Variants in ABCA1 observed in about 807,000 individuals in gnomAD.
The protein encoded by ABCA1 is phospholipid-transporting ATPase ABCA1.
In ABCA1, 133 loss-of-function variants were observed where a neutral mutation model predicts 262.5. That is an observed-to-expected ratio of 0.51 (90% CI 0.44 to 0.59). ABCA1 has a LOEUF of 0.59. ABCA1 is among the 20% of genes least tolerant of loss of function. ABCA1 has a pLI of 0.00. For synonymous variants in ABCA1, 1,022 were observed against 1,043.5 expected (o/e 0.98, Z 0.40); for missense variants, 2,452 against 2,777.5 (o/e 0.88, Z 2.63).
chr9:104,847,651 T>TC (rs1278848637), intron 7 of ABCA1, among the ~76,000 whole-genome samples: 3 of 152,212 alleles, frequency 2.0e-5, no homozygotes, highest in Non-Finnish European at 4.4e-5. Flanking sequence ...AGAGCTATCA[T>TC]CACACAGCAT....
intron 20 of ABCA1, 112 bp from the exon 21 acceptor site, chr9:104,820,181 T>A: frequency 1.5e-6 from 2 of 1,345,186 alleles, no homozygotes; most frequent in Non-Finnish European, 2.1e-6. Flanking sequence ...CCGTGCTTTT[T>A]AAAATAACTT....
At chr9:104,830,272 G>A (rs187081442) in intron 14 of ABCA1, among the ~76,000 whole-genome samples, 3 of 152,340 alleles carry the variant, frequency 2.0e-5, no homozygotes, top group Admixed American at 2.0e-4. Context: ...CATAAACTGT[G>A]CTTTTATAAG....
At chr9:104,879,081 A>C (rs1838396972) in intron 5 of ABCA1, among the ~76,000 whole-genome samples, 1 of 151,994 alleles carries the variant, frequency 6.6e-6, no homozygotes, top group Non-Finnish European at 1.5e-5. Context: ...CTTAAAAAAA[A>C]AAAAGAAAGA....
chr9:104,926,358 A>G (rs562571643), intron 1 of ABCA1, among the ~76,000 whole-genome samples: 9 of 151,820 alleles, frequency 5.9e-5, no homozygotes, highest in African/African-American at 2.2e-4. Context: ...AGATATACCT[A>G]AAGAGGCACC....
At position 104,836,158 on chromosome 9, in the gene ABCA1, C is replaced by T. The variant is rs73663562; in HGVS notation, c.1311+822G>A. Reference sequence around the variant, plus strand: ...GTTTTTAAAGGGACTTCCTCAGTAACCTGCCTCCCAGCGGATCAGGGAATA... The same window carrying T: ...GTTTTTAAAGGGACTTCCTCAGTAATCTGCCTCCCAGCGGATCAGGGAATA... On this transcript the variant is annotated intron_variant, in intron 11 of 49. Transcript: ENST00000374736. Among the ~76,000 whole-genome samples, 1,399 of 152,306 alleles carry T rather than the reference C, an allele frequency of 9.2e-3. 29 individuals are homozygous for T. Among genetic ancestry groups the T allele is most frequent in the African/African-American group, 0.031 (1,309 of 41,560 alleles).
chr9:104,905,062 G>C (rs537427663), intron 1 of ABCA1, among the ~76,000 whole-genome samples: 9 of 152,178 alleles, frequency 5.9e-5, no homozygotes, highest in Non-Finnish European at 7.3e-5. Context: ...AAATGGAAGG[G>C]AGGACACACA....
In ABCA1 at chr9:104,838,932, C is replaced by T. The variant is rs570487141; in HGVS notation, c.1054+1347G>A. 7.9e-5 allele frequency among the ~76,000 whole-genome samples: 12 copies of T among 152,038 alleles called. No homozygotes were observed. In the South Asian group the frequency reaches 2.3e-3, roughly 29 times the overall value. On this transcript the variant is annotated intron_variant, in intron 9 of 49. Transcript: ENST00000374736. ...GATGGGATTTAATTAAAGTTGCCTA[C>T]AATACCATCCTTTTAAGGCTTGTAA...
rs747301581 is a variant in ABCA1, at chr9:104,861,733, A to G, written c.489T>C (p.Ser163=). The change falls in exon 6 of 50, where the codon TCT becomes TCC. Residue 163 remains serine, a synonymous_variant. Coordinates refer to ENST00000374736, the MANE Select transcript of ABCA1 (RefSeq NM_005502.4). ...TFSGFLYHNL[S]LPKSTVDKML... is the part of the protein sequence containing the mutation. ...TCTTGTCCACAGTAGACTTTGGGAG[A>G]GAGAGGTTGTGATACAGGAACCCAG... 11 of 1,613,790 alleles carry G rather than the reference A, an allele frequency of 6.8e-6. No individual in the cohort carries two copies. In the African/African-American group the frequency reaches 9.3e-5, roughly 14 times the overall value.
At chr9:104,786,565 G>C (rs1828949523) in intron 47 of ABCA1, among the ~76,000 whole-genome samples, 175 bp from the exon 48 acceptor site, 1 of 152,110 alleles carries the variant, frequency 6.6e-6, no homozygotes, top group African/African-American at 2.4e-5. Context: ...GAACAAGTTG[G>C]AAATAATCCA....
chr9:104,915,972 C>A (rs1841816066), intron 1 of ABCA1, among the ~76,000 whole-genome samples: 1 of 152,082 alleles, frequency 6.6e-6, no homozygotes, highest in Admixed American at 6.6e-5. Flanking sequence ...TTAATGGAAG[C>A]CACTGGAACC....
intron 17 of ABCA1, chr9:104,825,477 C>A: frequency 1.6e-6 from 1 of 637,694 alleles, no homozygotes; most frequent in South Asian, 1.8e-5. Context: ...TGCTGCCTGG[C>A]ACACAGTTTT....
chr9:104,821,601 C>T, intron 19 of ABCA1, 95 bp from the exon 20 acceptor site: 4 of 1,401,694 alleles, frequency 2.9e-6, no homozygotes, highest in Non-Finnish European at 3.0e-6. Flanking sequence ...GAACACCAAC[C>T]CTCCCACCGC....
chr9:104,818,791 C>A lies in ABCA1; in HGVS notation c.3334G>T (p.Val1112Leu), dbSNP rs779528873. 4 of 1,614,098 alleles carry A rather than the reference C, an allele frequency of 2.5e-6. No homozygotes were observed. In the South Asian group the frequency reaches 3.3e-5, roughly 13 times the overall value. The change falls in exon 23 of 50, where the codon GTG (valine) becomes TTG (leucine). Residue 1112 changes from valine (V) to leucine (L), a missense_variant. Val to Leu is a conservative substitution (Grantham distance 32). Coordinates refer to ENST00000374736, the MANE Select transcript of ABCA1 (RefSeq NM_005502.4). ...AIISHGKLCC[V>L]GSSLFLKNQL... ...TTCTTCAGAAACAGGGAGGAGCCCA[C>A]ACAGCACAGCTTCCCATGGGAGATG...
In ABCA1 at chr9:104,840,636, G is replaced by A. The variant is rs1005271030; in HGVS notation, c.814-117C>T. 11 of 1,075,836 alleles carry A rather than the reference G, an allele frequency of 1.0e-5. No homozygotes were observed. In the African/African-American group the frequency reaches 1.6e-4, roughly 16 times the overall value. The allele number at this position is 1,075,836 out of a possible 1,614,324, so 66.6% of individuals were successfully genotyped here. A position where few individuals can be genotyped will look rare whatever the true frequency, so the allele number is the denominator to read the frequency against. Reference sequence around the variant, plus strand: ...ATTTTCTTGACCTCTCAAAAGCCATGTCCCAGAACATATTTTGTCTGATGT... The same window carrying A: ...ATTTTCTTGACCTCTCAAAAGCCATATCCCAGAACATATTTTGTCTGATGT... On this transcript the variant is annotated intron_variant, in intron 8 of 49. Coordinates refer to ENST00000374736, the MANE Select transcript of ABCA1 (RefSeq NM_005502.4).
Position 104,810,739 on chromosome 9 carries a change from C to G in ABCA1, c.4175+61G>C, listed in dbSNP as rs964483597. On this transcript the variant is annotated intron_variant, in intron 29 of 49. Transcript: ENST00000374736. Reference sequence around the variant, plus strand: ...TTCTGAAGTCCATTCCCTTGGCCCTCGTAAACATCTTTGGTCTGCTCGAAT... The same window carrying G: ...TTCTGAAGTCCATTCCCTTGGCCCTGGTAAACATCTTTGGTCTGCTCGAAT... 17 of 1,613,030 alleles carry G rather than the reference C, an allele frequency of 1.1e-5. No individual in the cohort carries two copies. In the African/African-American group the frequency reaches 2.0e-4, roughly 19 times the overall value.
At chr9:104,787,179 G>C (rs1829004130) in intron 46 of ABCA1, among the ~76,000 whole-genome samples, 1 of 152,056 alleles carries the variant, frequency 6.6e-6, no homozygotes, top group African/African-American at 2.4e-5. Context: ...ATTGATGCAG[G>C]AAACTCAAAT....
chr9:104,871,001 C>A (rs1197536842), intron 5 of ABCA1, among the ~76,000 whole-genome samples: 3 of 152,190 alleles, frequency 2.0e-5, no homozygotes, highest in African/African-American at 7.2e-5. Context: ...GGCCTTTTCA[C>A]TTCTTTTGTG....
rs762873991 is a variant in ABCA1 at position 104,818,729 on chromosome 9, C to A, written c.3396G>T (p.Lys1132Asn). The A allele has an allele frequency of 1.1e-5, 17 of 1,613,824 alleles. No individual in the cohort carries two copies. The highest frequency in any genetic ancestry group is 1.4e-5 in the Non-Finnish European group (17 of 1,180,046). Reference sequence around the variant, plus strand: ...AACTGAGGGAGGATTCCACATCTTTCTTGACCAAGGTCAGGTAGTAGCCTG... The same window carrying A: ...AACTGAGGGAGGATTCCACATCTTTATTGACCAAGGTCAGGTAGTAGCCTG... ...LGTGYYLTLV[K>N]KDVESSLSSC... Residue 1132 changes from lysine (K) to asparagine (N), a missense_variant, in exon 23 of 50, where the codon AAG becomes AAT. Physicochemically the swap from Lys to Asn is moderately conservative, Grantham distance 94. Around this residue, in one of 4 missense-constraint regions of ABCA1, gnomAD observed 665 missense variants for 727.3 expected, o/e 0.91. Coordinates refer to ENST00000374736, the MANE Select transcript of ABCA1 (RefSeq NM_005502.4).
chr9:104,795,971 G>A lies in ABCA1; in HGVS notation c.5382+82C>T, dbSNP rs990019828. 1.1e-5 allele frequency: 17 copies of A among 1,587,540 alleles called. No homozygotes were observed. In the African/African-American group the frequency reaches 2.1e-4, roughly 20 times the overall value. ...AGCAGTGTCAATACCACTGACAAGT[G>A]GAATAAGATCACAATTAAACACTGT... is the stretch of plus-strand genomic sequence containing the variant. On this transcript the variant is annotated intron_variant, in intron 39 of 49. Transcript: ENST00000374736.
Sources: allele counts gnomAD v4.1 joint callset (sites outside exome capture counted in the v4.1 genomes callset), GRCh38; gene constraint gnomAD v4.1.1; regional missense constraint gnomAD v4.1.1; transcripts MANE v1.5; gene names NCBI Gene and HGNC (gene_info 2026-07-23, HGNC 2026-07-21).